SLC6A14: variants seen among roughly 807,000 people sequenced by gnomAD.
SLC6A14 encodes solute carrier family 6 member 14.
In SLC6A14, 21 loss-of-function variants were observed where a neutral mutation model predicts 51.4. The observed-to-expected ratio is 0.41, with a 90% CI of 0.29 to 0.59. The LOEUF (loss-of-function observed/expected upper bound fraction) is 0.59, where lower values mean the gene tolerates loss of function less well. Ranked by LOEUF, SLC6A14 falls within the 20% of genes least tolerant of loss-of-function variation. The pLI, the probability that SLC6A14 is intolerant of heterozygous loss-of-function variation, is 0.31. For synonymous variants in SLC6A14, 177 were observed against 160.7 expected (o/e 1.10, Z -0.77); for missense variants, 371 against 472.8 (o/e 0.78, Z 2.00).
In SLC6A14 at chrX:116,445,457, G is replaced by GGAGAGAGAGAGA. The variant is rs4068397; in HGVS notation, c.789+444_789+455dup. ...TAATAGTATCAGGAATCCCCTAGTC[G>GGAGAGAGAGAGA]GAGAGAGAGAGAGAGAGAGAGAGAG... On this transcript the variant is annotated intron_variant, in intron 6 of 13. Transcript: ENST00000598581. Among the ~76,000 whole-genome samples the GGAGAGAGAGAGA allele has an allele frequency of 1.7e-3, 117 of 67,023 alleles. 1 individual carries two copies. The highest frequency in any genetic ancestry group is 5.3e-3 in the East Asian group (8 of 1,521). 58.2% of individuals were successfully genotyped at this position (67,023 alleles called of 115,157 possible). A position where few individuals can be genotyped will look rare whatever the true frequency, so the allele number is the denominator to read the frequency against.
At chrX:116,446,110 C>T (rs1355486537) in intron 6 of SLC6A14, among the ~76,000 whole-genome samples, 2 of 96,233 alleles carry the variant, frequency 2.1e-5, no homozygotes, top group Non-Finnish European at 4.6e-5. Context: ...CATAGGACAT[C>T]TATGGATCAA....
At chrX:116,439,890 C>G (rs1556693544) in intron 2 of SLC6A14, among the ~76,000 whole-genome samples, 1 of 110,588 alleles carries the variant, frequency 9.0e-6, no homozygotes, top group Non-Finnish European at 1.9e-5. Context: ...GAATAAATAA[C>G]AAGTTCTTTA....
chrX:116,460,384 A>G lies in SLC6A14; in HGVS notation c.*1429A>G, dbSNP rs1556695077. 9.0e-6 allele frequency: 1 copy of G among 110,716 alleles called. No individual in the cohort carries two copies. Among genetic ancestry groups the G allele is most frequent in the South Asian group, 3.9e-4 (1 of 2,589 alleles). 9.1% of individuals were successfully genotyped at this position (110,716 alleles called of 1,213,427 possible). ...TTCTCTTCCTTGTGATTGAAGATGAAAGGAGTAAGAAATTAAGGCATTTGT... is the reference window on the plus strand; with the variant it reads ...TTCTCTTCCTTGTGATTGAAGATGAGAGGAGTAAGAAATTAAGGCATTTGT... On this transcript the variant is annotated 3_prime_UTR_variant, in exon 14 of 14. Coordinates refer to ENST00000598581, the MANE Select transcript of SLC6A14 (RefSeq NM_007231.5).
chrX:116,451,865 A>G (rs1221591012), intron 8 of SLC6A14, among the ~76,000 whole-genome samples, 195 bp downstream of exon 8: 1 of 112,028 alleles, frequency 8.9e-6, no homozygotes, highest in South Asian at 3.7e-4. Flanking sequence ...ACAAGAGTAT[A>G]TTAAGGAAAT....
intron 7 of SLC6A14, among the ~76,000 whole-genome samples, chrX:116,447,762 C>T (rs1671269204): frequency 9.1e-6 from 1 of 110,018 alleles, no homozygotes; most frequent in African/African-American, 3.3e-5. Flanking sequence ...CACCTGGCTA[C>T]TTTTTTGTAT....
chrX:116,453,434 G>A (rs1354554182), intron 9 of SLC6A14, among the ~76,000 whole-genome samples: 2 of 109,604 alleles, frequency 1.8e-5, no homozygotes, highest in Non-Finnish European at 3.8e-5. Context: ...TTTTTTTCTA[G>A]AAGCAACTCT....
At chrX:116,444,758 G>A (rs371517463) in intron 5 of SLC6A14, among the ~76,000 whole-genome samples, 160 bp from the exon 6 acceptor site, 13 of 110,908 alleles carry the variant, frequency 1.2e-4, no homozygotes, top group African/African-American at 3.3e-4. Flanking sequence ...TGTGCCCTTC[G>A]TATTGATAGT....
chrX:116,453,003 T>C lies in SLC6A14; in HGVS notation c.1160-14T>C, dbSNP rs113899278. ...TCTTGGTAACTAATTTATAATATCATACATGTTTCGTAGGTTTTGATTTGG... is the reference window on the plus strand; with the variant it reads ...TCTTGGTAACTAATTTATAATATCACACATGTTTCGTAGGTTTTGATTTGG... On this transcript the variant is annotated splice_polypyrimidine_tract_variant and intron_variant, in intron 8 of 13. Transcript: ENST00000598581. 1.5e-5 allele frequency: 17 copies of C among 1,150,263 alleles called. No individual in the cohort carries two copies. The highest frequency in any genetic ancestry group is 2.0e-5 in the Non-Finnish European group (17 of 858,052). 94.8% of individuals were successfully genotyped at this position (1,150,263 alleles called of 1,213,427 possible). A position where few individuals can be genotyped will look rare whatever the true frequency, so the allele number is the denominator to read the frequency against.
chrX:116,440,986 G>A lies in SLC6A14; in HGVS notation c.235G>A (p.Ala79Thr), dbSNP rs1556693629. Residue 79 changes from alanine to threonine, a missense_variant, in exon 3 of 14, where the codon GCA becomes ACA. Around this residue, in one of 2 missense-constraint regions of SLC6A14, gnomAD observed 277 missense variants for 391.8 expected, o/e 0.71. Transcript: ENST00000598581. ...TTTAGGCGCCTTCTTGATACCTTAT[G>A]CAATTATGTTAGCATTGGCTGGTTT... ...NGGGAFLIPY[A>T]IMLALAGLPL... is the part of the protein sequence containing the mutation. 8.3e-7 allele frequency: 1 copy of A among 1,210,172 alleles called. No individual in the cohort carries two copies. Among genetic ancestry groups the A allele is most frequent in the Non-Finnish European group, 1.1e-6 (1 of 894,498 alleles).
Position 116,453,072 on chromosome X carries a change from T to C in SLC6A14, c.1215T>C (p.Gly405=), listed in dbSNP as rs1448494924. 8.4e-7 allele frequency: 1 copy of C among 1,195,937 alleles called. No homozygotes were observed. Among genetic ancestry groups the C allele is most frequent in the Admixed American group, 2.2e-5 (1 of 45,022 alleles). Residue 405 remains glycine, a synonymous_variant, in exon 9 of 14, where the codon GGT becomes GGC. Transcript: ENST00000598581. ...YPEALAQLPG[G]PFWSILFFFM... Reference sequence around the variant, plus strand: ...AGGCTCTAGCCCAACTCCCAGGTGGTCCATTTTGGTCCATATTATTTTTTT... The same window carrying C: ...AGGCTCTAGCCCAACTCCCAGGTGGCCCATTTTGGTCCATATTATTTTTTT...
intron 12 of SLC6A14, 23 bp downstream of exon 12, chrX:116,455,489 C>G: frequency 2.1e-6 from 2 of 975,587 alleles, no homozygotes; most frequent in Non-Finnish European, 2.9e-6. Flanking sequence ...ACACCATGAA[C>G]TTGATTTCGA....
Position 116,442,672 on chromosome X carries a change from T to A in SLC6A14, c.347-15T>A. On this transcript the variant is annotated splice_polypyrimidine_tract_variant and intron_variant, in intron 3 of 13. Transcript: ENST00000598581. The stretch of plus-strand genomic sequence containing the variant: ...TTGAGTTTGGTTTTTATTTTAATTG[T>A]TCTTTTTTTTCCAGGTGTGGGAATT... 9.2e-7 allele frequency: 1 copy of A among 1,082,738 alleles called. No individual in the cohort carries two copies. The highest frequency in any genetic ancestry group is 1.2e-6 in the Non-Finnish European group (1 of 830,611). 89.2% of individuals were successfully genotyped at this position (1,082,738 alleles called of 1,213,427 possible). A position where few individuals can be genotyped will look rare whatever the true frequency, so the allele number is the denominator to read the frequency against.
intron 4 of SLC6A14, 76 bp from the exon 5 acceptor site, chrX:116,443,567 C>A: frequency 1.4e-6 from 1 of 693,269 alleles, no homozygotes; most frequent in South Asian, 5.3e-5. Flanking sequence ...AATATGTTAC[C>A]ATTAAAACAT....
chrX:116,443,863 C>A, intron 5 of SLC6A14, 73 bp downstream of exon 5: 2 of 788,739 alleles, frequency 2.5e-6, no homozygotes, highest in Non-Finnish European at 3.5e-6. Flanking sequence ...AAACATTAAT[C>A]ATCTCCTTCC....
rs1556693760 is a variant in SLC6A14, at chrX:116,442,778, T to C, written c.438T>C (p.Ser146=). The C allele has an allele frequency of 8.4e-7, 1 of 1,193,713 alleles. No individual in the cohort carries two copies. The highest frequency in any genetic ancestry group is 2.4e-5 in the Admixed American group (1 of 41,984). ...ATAGTCTTTACTACATGTTTGCTTCTTTTCAAAGTGAACTACCATGGAAAA... is the reference window on the plus strand; with the variant it reads ...ATAGTCTTTACTACATGTTTGCTTCCTTTCAAAGTGAACTACCATGGAAAA... ...IAYSLYYMFA[S]FQSELPWKNC... is the part of the protein sequence containing the mutation. The change falls in exon 4 of 14, where the codon TCT becomes TCC. Residue 146 remains serine (S), a synonymous_variant. Coordinates refer to ENST00000598581, the MANE Select transcript of SLC6A14 (RefSeq NM_007231.5).
intron 6 of SLC6A14, among the ~76,000 whole-genome samples, chrX:116,445,506 AATGTGTGTGTTTGTGTGTATGTGTG>A (rs1927695380): frequency 1.6e-5 from 1 of 60,735 alleles, no homozygotes; most frequent in Non-Finnish European, 3.2e-5. Flanking sequence ...GAGAGAGAGA[AATGTGTGTGTTTGTGTGTATGTGTG>A]TGTGTGTGAG....
intron 9 of SLC6A14, 93 bp from the exon 10 acceptor site, chrX:116,454,231 A>G: frequency 1.8e-6 from 1 of 547,582 alleles, no homozygotes; most frequent in South Asian, 3.0e-5. Flanking sequence ...TTCAACATAT[A>G]TTTGTAAATT....
At chrX:116,437,323 A>G (rs1454309011) in intron 1 of SLC6A14, among the ~76,000 whole-genome samples, 1 of 111,096 alleles carries the variant, frequency 9.0e-6, no homozygotes, top group East Asian at 2.8e-4. Flanking sequence ...TTTTTCCAGC[A>G]GACACTACAT....
chrX:116,458,682 T>C (rs1365714395), intron 13 of SLC6A14, 127 bp from the exon 14 acceptor site: 20 of 567,293 alleles, frequency 3.5e-5, no homozygotes, highest in Non-Finnish European at 5.1e-5. Flanking sequence ...TTTTTAGTTT[T>C]CTATGATGCT....
Sources: gnomAD v4.1 joint callset for allele counts (sites outside exome capture counted in the v4.1 genomes callset) on GRCh38, gnomAD v4.1.1 for gene constraint, gnomAD v4.1.1 regional missense constraint, MANE v1.5 for transcripts, NCBI Gene and HGNC (gene_info 2026-07-23, HGNC 2026-07-21) for gene names.